The following FEZ2 variants were observed in gnomAD, a reference collection of about 807,000 sequenced individuals.
FEZ2 encodes the protein fasciculation and elongation protein zeta-2.
In FEZ2, 51 loss-of-function variants were observed where a neutral mutation model predicts 40.4. The ratio of observed to expected loss-of-function variants is 1.26; its 90% CI spans 1.01 to 1.59. The LOEUF (loss-of-function observed/expected upper bound fraction) is 1.59, where lower values mean the gene tolerates loss of function less well. FEZ2 is among the 40% of genes most tolerant of loss of function. The pLI is 0.00. For missense variants in FEZ2, 640 were observed against 438.3 expected, an observed-to-expected ratio of 1.46 and a Z score of -4.11; for synonymous variants, 242 against 172.0, an observed-to-expected ratio of 1.41 and a Z score of -3.18.
intron 5 of FEZ2, among the ~76,000 whole-genome samples, chr2:36,570,029 T>C (rs981097097): frequency 2.0e-5 from 3 of 152,146 alleles, no homozygotes; most frequent in African/African-American, 4.8e-5. Context: ...TCAAACATTA[T>C]AAAACAGTAG....
At chr2:36,568,063 T>C (rs1051628782) in intron 5 of FEZ2, among the ~76,000 whole-genome samples, 3 of 152,316 alleles carry the variant, frequency 2.0e-5, no homozygotes, top group South Asian at 4.1e-4. Context: ...ATTTACAACC[T>C]TGAGAGCAGA....
chr2:36,562,945 T>C (rs1444175592), intron 5 of FEZ2, among the ~76,000 whole-genome samples: 1 of 152,156 alleles, frequency 6.6e-6, no homozygotes, highest in Non-Finnish European at 1.5e-5. Flanking sequence ...ATTCATAAAA[T>C]CTAAAGCTAG....
intron 2 of FEZ2, among the ~76,000 whole-genome samples, chr2:36,586,198 C>T (rs1291320091): frequency 6.6e-6 from 1 of 152,178 alleles, no homozygotes; most frequent in Non-Finnish European, 1.5e-5. Context: ...ATGGAGTAGA[C>T]CTACCGATTA....
chr2:36,595,446 C>A (rs991088682), intron 1 of FEZ2, among the ~76,000 whole-genome samples: 1 of 152,040 alleles, frequency 6.6e-6, no homozygotes, highest in Non-Finnish European at 1.5e-5. Flanking sequence ...ATAGGGTTCA[C>A]GCTCCTATGA....
chr2:36,585,945 A>T (rs1013833504), intron 2 of FEZ2, among the ~76,000 whole-genome samples: 2 of 152,268 alleles, frequency 1.3e-5, no homozygotes, highest in African/African-American at 2.4e-5. Flanking sequence ...GAAATAGCTG[A>T]TATCATTTAA....
intron 2 of FEZ2, among the ~76,000 whole-genome samples, chr2:36,588,972 A>G (rs1040752208): frequency 3.3e-5 from 5 of 152,180 alleles, no homozygotes; most frequent in Admixed American, 3.3e-4. Context: ...AAAAAGTAGT[A>G]CCCATGGACT....
intron 1 of FEZ2, among the ~76,000 whole-genome samples, chr2:36,596,330 A>C (rs1573037423): frequency 6.6e-6 from 1 of 152,222 alleles, no homozygotes; most frequent in East Asian, 1.9e-4. Context: ...TTTGTTTCAC[A>C]AAGGAAAGGA....
chr2:36,586,512 A>C (rs533417615), intron 2 of FEZ2, among the ~76,000 whole-genome samples: 1 of 151,922 alleles, frequency 6.6e-6, no homozygotes, highest in African/African-American at 2.4e-5. Flanking sequence ...CTGTAGTCCC[A>C]GCTATTCAGG....
At chr2:36,567,277 A>C (rs79976128) in intron 5 of FEZ2, among the ~76,000 whole-genome samples, 1 of 152,096 alleles carries the variant, frequency 6.6e-6, no homozygotes, top group African/African-American at 2.4e-5. Flanking sequence ...AAAAAAAAAA[A>C]GCCCAAAATA....
chr2:36,570,124 ATTAT>A (rs1354003615), intron 5 of FEZ2, among the ~76,000 whole-genome samples: 2 of 152,122 alleles, frequency 1.3e-5, no homozygotes, highest in Admixed American at 1.3e-4. Context: ...TAGTTAAGAT[ATTAT>A]TTAAGATGTA....
intron 5 of FEZ2, among the ~76,000 whole-genome samples, chr2:36,567,532 T>G (rs1470593774): frequency 6.6e-6 from 1 of 151,336 alleles, no homozygotes; most frequent in Non-Finnish European, 1.5e-5. Flanking sequence ...GAGGCCGAGG[T>G]GGGTGGATCA....
rs146909311 is a variant in FEZ2, at chr2:36,566,589, A to G, written c.904-8076T>C. Among the ~76,000 whole-genome samples the G allele has an allele frequency of 1.2e-4, 18 of 152,380 alleles. No homozygotes were observed. In the East Asian group the frequency reaches 3.5e-3, roughly 29 times the overall value. ...ACTGATAGTCAGTGACTTAACCTGC[A>G]AAACGCTACAGCGATCATTACCAAT... On this transcript the variant is annotated intron_variant, in intron 5 of 7. Transcript: ENST00000405912.
At chr2:36,553,780 CCA>C (rs1407269013) in intron 7 of FEZ2, among the ~76,000 whole-genome samples, 1 of 152,124 alleles carries the variant, frequency 6.6e-6, no homozygotes, top group Non-Finnish European at 1.5e-5. Context: ...GGCAGCCAAG[CCA>C]CACTCTCATC....
At chr2:36,578,033 T>C (rs961190475) in intron 5 of FEZ2, among the ~76,000 whole-genome samples, 8 of 152,358 alleles carry the variant, frequency 5.3e-5, no homozygotes, top group African/African-American at 7.2e-5. Context: ...TAAACTTGTT[T>C]TCACCAGTCA....
intron 2 of FEZ2, among the ~76,000 whole-genome samples, chr2:36,585,261 G>C (rs777049048): frequency 1.3e-5 from 2 of 152,148 alleles, no homozygotes; most frequent in Non-Finnish European, 2.9e-5. Flanking sequence ...GCAGGGGCTA[G>C]GATAAAGACA....
At chr2:36,585,805 G>A (rs959629541) in intron 2 of FEZ2, among the ~76,000 whole-genome samples, 2 of 152,108 alleles carry the variant, frequency 1.3e-5, no homozygotes, top group African/African-American at 4.8e-5. Context: ...TTTTTGGGAG[G>A]GTATAGTGTC....
At chr2:36,571,254 A>G (rs1329406454) in intron 5 of FEZ2, among the ~76,000 whole-genome samples, 1 of 152,270 alleles carries the variant, frequency 6.6e-6, no homozygotes, top group East Asian at 1.9e-4. Context: ...ATGACCTTCT[A>G]TCATGCTAAT....
At position 36,578,688 on chromosome 2, in the gene FEZ2, T is replaced by C; in HGVS notation, c.812A>G (p.Lys271Arg). The C allele has an allele frequency of 1.9e-6, 3 of 1,613,960 alleles. No homozygotes were observed. The highest frequency in any genetic ancestry group is 2.5e-6 in the Non-Finnish European group (3 of 1,179,832). The change falls in exon 5 of 8, where the codon AAA (lysine) becomes AGA (arginine). Residue 271 changes from lysine (K) to arginine (R), a missense_variant. Physicochemically the swap from Lys to Arg is conservative, Grantham distance 26. Transcript: ENST00000405912. ...CTTTTTTGCTGTTTCTTTGTGCTCT[T>C]TCTGTTTGTTTTGCACTTCAATAAG... ...SVLIEVQNKQ[K>R]EHKETAKKKK... is the part of the protein sequence containing the mutation.
chr2:36,594,200 T>C (rs1669148583), intron 1 of FEZ2, among the ~76,000 whole-genome samples: 1 of 152,054 alleles, frequency 6.6e-6, no homozygotes, highest in African/African-American at 2.4e-5. Context: ...CTCTAGGAAG[T>C]TCCAAACTTT....
Sources: allele counts gnomAD v4.1 joint callset (sites outside exome capture counted in the v4.1 genomes callset), GRCh38; gene constraint gnomAD v4.1.1; transcripts MANE v1.5; gene names NCBI Gene and HGNC (gene_info 2026-07-23, HGNC 2026-07-21).